The following DST variants were observed in gnomAD, a reference collection of about 807,000 sequenced individuals.
DST encodes dystonin.
In DST, 253 loss-of-function variants were observed where a neutral mutation model predicts 875.2. The observed-to-expected ratio is 0.29, with a 90% CI of 0.26 to 0.32. DST has a LOEUF of 0.32. DST is among the 10% of genes least tolerant of loss of function. The pLI is 1.00. For missense variants in DST, 8,287 were observed against 9,111.6 expected (o/e 0.91, Z 3.68); for synonymous variants, 3,124 against 3,197.1 (o/e 0.98, Z 0.77).
chr6:56,539,527 T>C (rs983990186), intron 61 of DST, among the ~76,000 whole-genome samples: 2 of 152,088 alleles, frequency 1.3e-5, no homozygotes, highest in Admixed American at 1.3e-4. Flanking sequence ...CCCCCTAATC[T>C]AACCCACAGC....
chr6:56,503,627 A>ACACACACACG (rs1478684126), intron 78 of DST, among the ~76,000 whole-genome samples: 19 of 149,434 alleles, frequency 1.3e-4, no homozygotes, highest in Non-Finnish European at 2.7e-4. Flanking sequence ...ACACACACAC[A>ACACACACACG]CCCCATGTCC....
At chr6:56,560,037 C>T (rs1470007757) in intron 58 of DST, among the ~76,000 whole-genome samples, 2 of 152,098 alleles carry the variant, frequency 1.3e-5, no homozygotes, top group Admixed American at 6.6e-5. Context: ...ACTCCATGCA[C>T]AGCACTTCAT....
Position 56,608,249 on chromosome 6 carries a change from G to A in DST, c.6379C>T (p.Leu2127=), listed in dbSNP as rs775554670. The change falls in exon 40 of 104, where the codon CTA becomes TTA. Residue 2127 remains leucine (L), a synonymous_variant. Coordinates refer to ENST00000680361, the MANE Select transcript of DST (RefSeq NM_001374736.1). ...GCTGTGTTGTTGTCTATAATTCCTA[G>A]CTGTTTAGCAGCATCCAAACCAATG... The part of the protein sequence containing the change: ...QVIGLDAAKQ[L]GIIDNNTASI... 1.2e-6 allele frequency: 2 copies of A among 1,613,656 alleles called. No individual in the cohort carries two copies. The highest frequency in any genetic ancestry group is 1.7e-6 in the Non-Finnish European group (2 of 1,179,760).
At chr6:56,498,693 A>C (rs1400088959) in intron 80 of DST, among the ~76,000 whole-genome samples, 1 of 152,198 alleles carries the variant, frequency 6.6e-6, no homozygotes, top group Non-Finnish European at 1.5e-5. Context: ...TAAGGCATAC[A>C]GTACCATATT....
chr6:56,858,258 G>A (rs554243931), intron 3 of DST, among the ~76,000 whole-genome samples: 4 of 152,032 alleles, frequency 2.6e-5, no homozygotes, highest in Admixed American at 6.6e-5. Flanking sequence ...CTCAAGGGAA[G>A]CAGTTTCAGG....
At chr6:56,533,738 C>T (rs1453097820) in intron 63 of DST, among the ~76,000 whole-genome samples, 2 of 152,108 alleles carry the variant, frequency 1.3e-5, no homozygotes, top group East Asian at 1.9e-4. Flanking sequence ...ATGCAAAAAT[C>T]GCACAAATGC....
chr6:56,763,809 A>C (rs1564059361), intron 4 of DST, among the ~76,000 whole-genome samples: 1 of 151,212 alleles, frequency 6.6e-6, no homozygotes, highest in Non-Finnish European at 1.5e-5. Context: ...TGCTGGTCCA[A>C]TCCCACAAGG....
intron 2 of DST, among the ~76,000 whole-genome samples, chr6:56,941,399 T>C (rs1169052684): frequency 6.6e-6 from 1 of 152,216 alleles, no homozygotes; most frequent in East Asian, 1.9e-4. Flanking sequence ...TTCAATCCTT[T>C]AAATTAATTG....
At chr6:56,728,502 C>T (rs772370491) in intron 5 of DST, among the ~76,000 whole-genome samples, 8 of 152,002 alleles carry the variant, frequency 5.3e-5, no homozygotes, top group Non-Finnish European at 8.8e-5. Context: ...ATTGAAACCT[C>T]GTCTCTATTA....
At position 56,703,650 on chromosome 6, in the gene DST, C is replaced by G. The variant is rs1014549815; in HGVS notation, c.874G>C (p.Gly292Arg). The G allele has an allele frequency of 1.4e-5, 14 of 983,304 alleles. No homozygotes were observed. The highest frequency in any genetic ancestry group is 1.7e-5 in the Non-Finnish European group (14 of 828,202). The allele number at this position is 983,304 out of a possible 1,614,324, so 60.9% of individuals were successfully genotyped here. The stretch of plus-strand genomic sequence containing the variant: ...CAAGTTATGGGGGCGACACCTACCC[C>G]CTTATCCTCATCCTCCACATCCTCA... ...QHEDVEDEDK[G>R]PREKGRMRFH... Residue 292 changes from glycine (G) to arginine (R), a missense_variant and splice_region_variant, in exon 7 of 104, where the codon GGG becomes CGG. Transcript: ENST00000680361.
Position 56,605,696 on chromosome 6 carries a change from C to T in DST, c.8932G>A (p.Gly2978Ser), listed in dbSNP as rs756448862. The part of the protein sequence containing the change: ...ELPELTDSVK[G>S]KDEYFKNMTP... Reference sequence around the variant, plus strand: ...ATATTCTTAAAATATTCATCTTTACCTTTCACAGAATCAGTCAATTCTGGC... The same window carrying T: ...ATATTCTTAAAATATTCATCTTTACTTTTCACAGAATCAGTCAATTCTGGC... Residue 2978 changes from glycine to serine, a missense_variant, in exon 40 of 104, where the codon GGT becomes AGT. Physicochemically the swap from Gly to Ser is moderately conservative, Grantham distance 56. Transcript: ENST00000680361. 6.2e-7 allele frequency: 1 copy of T among 1,612,828 alleles called. No homozygotes were observed. Among genetic ancestry groups the T allele is most frequent in the Non-Finnish European group, 8.5e-7 (1 of 1,179,326 alleles).
rs201412680 is a variant in DST, at chr6:56,555,750, G to T, written c.14731C>A (p.Pro4911Thr). ...QGILSRPGED[P>T]SLRGIVKEQL... ...TCTTTCACAATCCCACGTAAAGAAG[G>T]GTCTTCTCCAGGCCTGCTCAGAATG... is the stretch of plus-strand genomic sequence containing the variant. The change falls in exon 60 of 104, where the codon CCT (proline) becomes ACT (threonine). Residue 4911 changes from proline to threonine, a missense_variant. Pro to Thr is a conservative substitution (Grantham distance 38). Around this residue, in one of 10 missense-constraint regions of DST, gnomAD observed 1,513 missense variants for 1,677.8 expected, o/e 0.90. Coordinates refer to ENST00000680361, the MANE Select transcript of DST (RefSeq NM_001374736.1). 1.0e-4 allele frequency: 165 copies of T among 1,603,620 alleles called. 1 individual carries two copies. The highest frequency in any genetic ancestry group is 1.2e-4 in the Non-Finnish European group (144 of 1,171,908).
At chr6:56,591,354 T>C (rs1460847572) in intron 49 of DST, among the ~76,000 whole-genome samples, 3 of 152,224 alleles carry the variant, frequency 2.0e-5, no homozygotes, top group Non-Finnish European at 2.9e-5. Flanking sequence ...ATCATGAAGA[T>C]ATTCAGTAAG....
intron 4 of DST, among the ~76,000 whole-genome samples, chr6:56,809,053 C>G (rs1353925538): frequency 1.3e-5 from 2 of 152,158 alleles, no homozygotes; most frequent in Non-Finnish European, 2.9e-5. Flanking sequence ...GCAAAGGGAA[C>G]AGCTGGGAGG....
chr6:56,759,959 T>C (rs1446802474), intron 4 of DST, among the ~76,000 whole-genome samples: 1 of 152,226 alleles, frequency 6.6e-6, no homozygotes, highest in Admixed American at 6.5e-5. Flanking sequence ...ATGCACTGCA[T>C]ATGTCAAAAT....
chr6:56,902,210 T>G (rs540409677), intron 2 of DST, among the ~76,000 whole-genome samples: 1 of 152,306 alleles, frequency 6.6e-6, no homozygotes, highest in South Asian at 2.1e-4. Context: ...ACAAGCTAAA[T>G]ATGGTGGGAA....
At position 56,493,078 on chromosome 6, in the gene DST, T is replaced by C. The variant is rs1163966145; in HGVS notation, c.20406A>G (p.Glu6802=). 6.2e-7 allele frequency: 1 copy of C among 1,610,900 alleles called. No homozygotes were observed. The highest frequency in any genetic ancestry group is 2.2e-5 in the East Asian group (1 of 44,832). ...TKLNERKTKL[E]EALNLAMEFH... ...ACTCCATTGCCAAGTTGAGAGCCTC[T>C]TCCAGTTTAGTCTGCAAGGACAGAT... The change falls in exon 84 of 104, where the codon GAA becomes GAG. Residue 6802 remains glutamate (E), a synonymous_variant. Transcript: ENST00000680361.
At chr6:56,953,875 G>C (rs367760920) in intron 1 of DST, 56 bp from the exon 2 acceptor site, 1 of 1,248,512 alleles carries the variant, frequency 8.0e-7, no homozygotes, top group Non-Finnish European at 1.1e-6. Flanking sequence ...TTCACCTACC[G>C]AGTGACTCAT....
At chr6:56,781,399 G>C (rs1344354075) in intron 4 of DST, among the ~76,000 whole-genome samples, 2 of 152,040 alleles carry the variant, frequency 1.3e-5, no homozygotes, top group Non-Finnish European at 2.9e-5. Context: ...TTATTTCATT[G>C]AGCAGTGGTT....
Sources: allele counts gnomAD v4.1 joint callset (sites outside exome capture counted in the v4.1 genomes callset), GRCh38; gene constraint gnomAD v4.1.1; regional missense constraint gnomAD v4.1.1; transcripts MANE v1.5; gene names NCBI Gene and HGNC (gene_info 2026-07-23, HGNC 2026-07-21).